Variants in RNF182 observed in about 807,000 individuals in gnomAD.
RNF182 encodes ring finger protein 182.
Under a neutral mutation model 14.4 loss-of-function variants are expected in RNF182, and 15 were observed. That is an observed-to-expected ratio of 1.04 (90% CI 0.70 to 1.60). RNF182 has a LOEUF of 1.60. RNF182 is among the 40% of genes most tolerant of loss of function. The pLI is 0.00. For missense variants in RNF182, 268 were observed against 294.8 expected, an observed-to-expected ratio of 0.91 and a Z score of 0.67; for synonymous variants, 128 against 122.9, an observed-to-expected ratio of 1.04 and a Z score of -0.27.
intron 1 of RNF182, among the ~76,000 whole-genome samples, chr6:13,973,163 G>T (rs988159968): frequency 6.6e-6 from 1 of 152,174 alleles, no homozygotes; most frequent in African/African-American, 2.4e-5. Flanking sequence ...GGGGCCTGTA[G>T]CCCCTTTGTT....
Position 13,980,026 on chromosome 6 carries a change from G to C in RNF182, c.*2163G>C, listed in dbSNP as rs1449872086. 1.9e-5 allele frequency: 3 copies of C among 161,692 alleles called. No individual in the cohort carries two copies. The highest frequency in any genetic ancestry group is 7.3e-5 in the African/African-American group (3 of 41,356). The allele number at this position is 161,692 out of a possible 1,614,324, so 10.0% of individuals were successfully genotyped here. ...CCAAATTTAGAAGTTTGATTTCTCTGACTTATGGTTAAAATTCAGTTATGA... is the reference window on the plus strand; with the variant it reads ...CCAAATTTAGAAGTTTGATTTCTCTCACTTATGGTTAAAATTCAGTTATGA... On this transcript the variant is annotated 3_prime_UTR_variant, in exon 3 of 3. Transcript: ENST00000488300.
intron 1 of RNF182, among the ~76,000 whole-genome samples, chr6:13,973,433 A>G (rs891922153): frequency 1.3e-5 from 2 of 152,072 alleles, no homozygotes; most frequent in African/African-American, 4.8e-5. Context: ...GTGGAATAAT[A>G]TGGTTTGGCT....
chr6:13,977,384 G>A lies in RNF182; in HGVS notation c.265G>A (p.Val89Ile), dbSNP rs149961020. ...SSLPDDNNIL[V>I]NLTCGGKGKK... ...CCTGCCCGATGACAACAACATCCTT[G>A]TAAACTTGACTTGTGGAGGCAAAGG... Residue 89 changes from valine to isoleucine, a missense_variant, in exon 3 of 3, where the codon GTA becomes ATA. Val to Ile is a conservative substitution (Grantham distance 29). Transcript: ENST00000488300. 4 of 1,614,076 alleles carry A rather than the reference G, an allele frequency of 2.5e-6. No individual in the cohort carries two copies. The highest frequency in any genetic ancestry group is 2.7e-5 in the African/African-American group (2 of 74,942).
At chr6:13,931,612 G>A (rs937591080) in intron 1 of RNF182, among the ~76,000 whole-genome samples, 29 of 151,756 alleles carry the variant, frequency 1.9e-4, no homozygotes, top group African/African-American at 7.0e-4. Flanking sequence ...CCACTTTTAT[G>A]ATCATCTAAT....
intron 1 of RNF182, among the ~76,000 whole-genome samples, chr6:13,969,105 TTTGTTGTTG>T (rs57502789): frequency 8.6e-5 from 13 of 151,170 alleles, no homozygotes; most frequent in Middle Eastern, 3.4e-3. Context: ...GTCTCTGTTT[TTTGTTGTTG>T]TTGTTGTTGT....
chr6:13,936,641 G>A (rs1759118601), intron 1 of RNF182, among the ~76,000 whole-genome samples: 1 of 152,224 alleles, frequency 6.6e-6, no homozygotes, highest in Non-Finnish European at 1.5e-5. Flanking sequence ...GAGGCTAACA[G>A]AAGAAATTAC....
At chr6:13,963,602 C>A (rs1759935703) in intron 1 of RNF182, among the ~76,000 whole-genome samples, 1 of 152,148 alleles carries the variant, frequency 6.6e-6, no homozygotes, top group Admixed American at 6.5e-5. Context: ...TTGGTGCTGG[C>A]TTTTGTCTGG....
intron 1 of RNF182, among the ~76,000 whole-genome samples, chr6:13,938,175 A>ATT (rs1169253099): frequency 0.035 from 3,273 of 92,666 alleles, 188 homozygotes; most frequent in African/African-American, 0.13. Flanking sequence ...AATTTTTTGT[A>ATT]TTTTTTTTTT....
At chr6:13,949,475 G>T in intron 1 of RNF182, 1 of 614,554 alleles carries the variant, frequency 1.6e-6, no homozygotes. Flanking sequence ...GACGAGAAAG[G>T]CTGGTTATAA....
At chr6:13,970,921 C>T (rs978432269) in intron 1 of RNF182, among the ~76,000 whole-genome samples, 1 of 151,922 alleles carries the variant, frequency 6.6e-6, no homozygotes, top group African/African-American at 2.4e-5. Flanking sequence ...TTTCCTTTTT[C>T]GTTTTCTATT....
chr6:13,956,988 C>T (rs555446500), intron 1 of RNF182, among the ~76,000 whole-genome samples: 1 of 152,114 alleles, frequency 6.6e-6, no homozygotes, highest in East Asian at 1.9e-4. Context: ...AATCACCTGT[C>T]CACTGTGTGA....
rs547060505 is a variant in RNF182, at chr6:13,952,760, G to T, written c.-366-21450G>T. ...CAGAATAAAGTGAAAGCAAGTTCAT[G>T]AAGAAAGTAAGGGAATAAAAAGGTG... On this transcript the variant is annotated intron_variant, in intron 1 of 2. Coordinates refer to ENST00000488300, the MANE Select transcript of RNF182 (RefSeq NM_152737.4). Among the ~76,000 whole-genome samples the T allele has an allele frequency of 2.6e-5, 4 of 152,294 alleles. No individual in the cohort carries two copies. In the East Asian group the frequency reaches 5.8e-4, roughly 22 times the overall value.
rs575403403 is a variant in RNF182 at position 13,979,582 on chromosome 6, A to G, written c.*1719A>G. On this transcript the variant is annotated 3_prime_UTR_variant, in exon 3 of 3. Transcript: ENST00000488300. ...CAGCTAAATACATTTATGATTTCAT[A>G]AAATCTAGTTTAGATAGCATTGTGA... 1.8e-5 allele frequency: 3 copies of G among 167,054 alleles called. No homozygotes were observed. The highest frequency in any genetic ancestry group is 7.2e-5 in the African/African-American group (3 of 41,596). The allele number at this position is 167,054 out of a possible 1,614,324, so 10.3% of individuals were successfully genotyped here.
At chr6:13,929,602 T>G (rs1758915360) in intron 1 of RNF182, among the ~76,000 whole-genome samples, 1 of 152,228 alleles carries the variant, frequency 6.6e-6, no homozygotes, top group Admixed American at 6.5e-5. Flanking sequence ...CAGACACTTT[T>G]CTAAGCACTT....
chr6:13,972,421 A>G (rs1443109191), intron 1 of RNF182, among the ~76,000 whole-genome samples: 1 of 152,228 alleles, frequency 6.6e-6, no homozygotes. Context: ...AGAAATTTGC[A>G]TAAGTAATGA....
chr6:13,946,442 G>T (rs1052189201), intron 1 of RNF182, among the ~76,000 whole-genome samples: 3 of 152,120 alleles, frequency 2.0e-5, no homozygotes, highest in African/African-American at 7.2e-5. Flanking sequence ...TGGGATTACA[G>T]GCATGAGCCA....
At chr6:13,976,231 A>G (rs919209635) in intron 2 of RNF182, among the ~76,000 whole-genome samples, 8 of 152,212 alleles carry the variant, frequency 5.3e-5, no homozygotes, top group Non-Finnish European at 1.0e-4. Flanking sequence ...TAATGCTTAT[A>G]TCGGGTGTTA....
intron 1 of RNF182, among the ~76,000 whole-genome samples, chr6:13,938,486 T>C (rs1759199389): frequency 6.6e-6 from 1 of 152,178 alleles, no homozygotes; most frequent in African/African-American, 2.4e-5. Context: ...TCTTTTAATG[T>C]TAGTGCTTTT....
At chr6:13,963,554 G>T (rs1300489429) in intron 1 of RNF182, among the ~76,000 whole-genome samples, 2 of 152,170 alleles carry the variant, frequency 1.3e-5, no homozygotes, top group East Asian at 3.8e-4. Flanking sequence ...GTGGTTAGTT[G>T]AGGCTGGATG....
Sources: allele counts gnomAD v4.1 joint callset (sites outside exome capture counted in the v4.1 genomes callset), GRCh38; gene constraint gnomAD v4.1.1; transcripts MANE v1.5; gene names NCBI Gene and HGNC (gene_info 2026-07-23, HGNC 2026-07-21).